Variants in CTNNA2 observed in about 807,000 individuals in gnomAD.
CTNNA2 encodes catenin alpha 2.
A neutral mutation model predicts 101.0 loss-of-function variants in CTNNA2; 42 were observed. The ratio of observed to expected loss-of-function variants is 0.42; its 90% CI spans 0.32 to 0.54. The LOEUF is 0.54. Among genes scored for constraint, CTNNA2 ranks in the 20% least tolerant of loss-of-function variants. The pLI, the probability that CTNNA2 is intolerant of heterozygous loss-of-function variation, is 0.14. For missense variants in CTNNA2, 871 were observed against 1,223.1 expected (o/e 0.71, Z 4.29); for synonymous variants, 450 against 456.4 (o/e 0.99, Z 0.18).
rs531828596 is a variant in CTNNA2, at chr2:79,415,221, T to C, written c.-135+41208T>C. Among the ~76,000 whole-genome samples the C allele has an allele frequency of 7.2e-5, 11 of 152,198 alleles. No individual in the cohort carries two copies. The South Asian group carries it at 2.1e-3, about 29-fold the overall frequency. On this transcript the variant is annotated intron_variant, in intron 4 of 21. Transcript: ENST00000466387. The stretch of plus-strand genomic sequence containing the variant: ...TGTGAGTTCACATGAGATCTGGTTG[T>C]TTAAAAGAATGTGGCACCTCCACCA...
intron 1 of CTNNA2, among the ~76,000 whole-genome samples, chr2:79,570,473 A>G (rs1675395387): frequency 1.3e-5 from 2 of 152,150 alleles, no homozygotes; most frequent in East Asian, 1.9e-4. Flanking sequence ...TTGTCATCCA[A>G]TTTAGATAAG....
intron 4 of CTNNA2, among the ~76,000 whole-genome samples, chr2:79,405,462 A>T (rs999249655): frequency 2.0e-5 from 3 of 151,902 alleles, no homozygotes; most frequent in African/African-American, 7.3e-5. Flanking sequence ...AGTAGCTGGG[A>T]TTACAGGTGT....
chr2:80,490,123 A>C (rs1278547208), intron 9 of CTNNA2, among the ~76,000 whole-genome samples: 3 of 152,196 alleles, frequency 2.0e-5, no homozygotes, highest in Admixed American at 2.0e-4. Flanking sequence ...AACAGTAACC[A>C]TATCTAGAGA....
intron 13 of CTNNA2, among the ~76,000 whole-genome samples, chr2:80,577,914 T>A (rs112007837): frequency 2.0e-5 from 3 of 152,174 alleles, no homozygotes; most frequent in African/African-American, 7.2e-5. Context: ...GAGAAAATAC[T>A]GAAGGATTCA....
rs1220703182 is a variant in CTNNA2 at position 79,817,628 on chromosome 2, C to T, written c.299-40385C>T. Among the ~76,000 whole-genome samples, 3 of 152,148 alleles carry T rather than the reference C, an allele frequency of 2.0e-5. No individual in the cohort carries two copies. In the South Asian group the frequency reaches 6.2e-4, roughly 31 times the overall value. On this transcript the variant is annotated intron_variant, in intron 3 of 18. Transcript: ENST00000402739. ...AATATTTCGGAGCCCAACTCACAGG[C>T]ACCTTCTCTTATGAGATGTTCAATG... is the stretch of plus-strand genomic sequence containing the variant.
At chr2:79,689,791 A>C (rs1684171252) in intron 2 of CTNNA2, among the ~76,000 whole-genome samples, 1 of 152,026 alleles carries the variant, frequency 6.6e-6, no homozygotes, top group Non-Finnish European at 1.5e-5. Flanking sequence ...AAAGAATAAA[A>C]TGGAAATCCT....
At chr2:80,093,403 A>G (rs1400302342) in intron 7 of CTNNA2, among the ~76,000 whole-genome samples, 2 of 152,126 alleles carry the variant, frequency 1.3e-5, no homozygotes, top group African/African-American at 2.4e-5. Context: ...CCAGTCTATC[A>G]TTGTTGGACA....
intron 7 of CTNNA2, among the ~76,000 whole-genome samples, chr2:80,082,385 A>G (rs1028143580): frequency 1.3e-5 from 2 of 152,290 alleles, no homozygotes; most frequent in African/African-American, 2.4e-5. Flanking sequence ...GTACCTCATA[A>G]TGTTTTGTTG....
intron 7 of CTNNA2, among the ~76,000 whole-genome samples, chr2:80,258,482 T>C (rs1672343946): frequency 6.6e-6 from 1 of 152,080 alleles, no homozygotes; most frequent in African/African-American, 2.4e-5. Context: ...TCGCACACTG[T>C]GAGGGGCATG....
intron 9 of CTNNA2, among the ~76,000 whole-genome samples, chr2:80,508,938 C>CGTTTATTTG (rs1252610324): frequency 6.6e-6 from 1 of 152,004 alleles, no homozygotes; most frequent in Non-Finnish European, 1.5e-5. Context: ...TCTTCTTTTT[C>CGTTTATTTG]GTTTATTTGA....
chr2:79,963,130 A>G (rs911980657), intron 7 of CTNNA2, among the ~76,000 whole-genome samples: 2 of 151,150 alleles, frequency 1.3e-5, no homozygotes, highest in African/African-American at 4.9e-5. Flanking sequence ...ATATTGCCAT[A>G]TTGCCTAAAG....
intron 7 of CTNNA2, among the ~76,000 whole-genome samples, chr2:80,101,730 C>T (rs113242045): frequency 1.6e-3 from 239 of 152,276 alleles, no homozygotes; most frequent in Non-Finnish European, 2.9e-3. Context: ...CTCTCTGGCT[C>T]CTCCTGTGAT....
At chr2:80,218,347 C>G (rs1306084172) in intron 7 of CTNNA2, among the ~76,000 whole-genome samples, 4 of 152,230 alleles carry the variant, frequency 2.6e-5, no homozygotes, top group African/African-American at 9.6e-5. Flanking sequence ...CTTACAGTAC[C>G]TGGAGGTGGG....
intron 7 of CTNNA2, among the ~76,000 whole-genome samples, chr2:79,921,856 C>G (rs1170307927): frequency 6.6e-6 from 1 of 152,168 alleles, no homozygotes; most frequent in Non-Finnish European, 1.5e-5. Context: ...GAGGAAGGAG[C>G]ATTTTGCCCG....
intron 4 of CTNNA2, among the ~76,000 whole-genome samples, chr2:79,422,716 G>C (rs1383854943): frequency 8.5e-5 from 13 of 152,196 alleles, no homozygotes; most frequent in Admixed American, 6.5e-4. Context: ...GCTGCAAATA[G>C]ATGTTGAGCA....
At chr2:79,274,096 T>G (rs1396556612) in intron 2 of CTNNA2, among the ~76,000 whole-genome samples, 2 of 152,136 alleles carry the variant, frequency 1.3e-5, no homozygotes, top group Admixed American at 6.6e-5. Context: ...ATTATAAGCT[T>G]GCTTTCAAAT....
intron 7 of CTNNA2, among the ~76,000 whole-genome samples, chr2:80,173,489 A>G (rs1432803865): frequency 6.6e-6 from 1 of 152,200 alleles, no homozygotes; most frequent in Admixed American, 6.5e-5. Context: ...TAAAGGTATA[A>G]AAAGAACTCT....
chr2:80,269,592 A>G (rs1234377497), intron 7 of CTNNA2, among the ~76,000 whole-genome samples: 2 of 152,192 alleles, frequency 1.3e-5, no homozygotes, highest in Non-Finnish European at 2.9e-5. Flanking sequence ...AGAAAAAAAA[A>G]TGCTGTTATA....
intron 7 of CTNNA2, among the ~76,000 whole-genome samples, chr2:80,136,912 G>A (rs1422178756): frequency 1.3e-5 from 2 of 152,116 alleles, no homozygotes; most frequent in East Asian, 3.9e-4. Context: ...TACAATAGCA[G>A]CACACAACTG....
Sources: gnomAD v4.1 joint callset for allele counts (sites outside exome capture counted in the v4.1 genomes callset) on GRCh38, gnomAD v4.1.1 for gene constraint, MANE v1.5 for transcripts, NCBI Gene and HGNC (gene_info 2026-07-23, HGNC 2026-07-21) for gene names.